Variants in ZMIZ1 observed in about 807,000 individuals in gnomAD.
ZMIZ1 encodes zinc finger MIZ domain-containing protein 1.
A neutral mutation model predicts 113.9 loss-of-function variants in ZMIZ1; 17 were observed. The ratio of observed to expected loss-of-function variants is 0.15; its 90% CI spans 0.10 to 0.22. The LOEUF (loss-of-function observed/expected upper bound fraction) is 0.22, where lower values mean the gene tolerates loss of function less well. ZMIZ1 is among the 10% of genes least tolerant of loss of function. ZMIZ1 has a pLI of 1.00. For synonymous variants in ZMIZ1, 607 were observed against 603.1 expected, an observed-to-expected ratio of 1.01 and a Z score of -0.09; for missense variants, 1,059 against 1,477.8, an observed-to-expected ratio of 0.72 and a Z score of 4.65.
At chr10:79,274,068 G>T (rs1054588198) in intron 7 of ZMIZ1, among the ~76,000 whole-genome samples, 2 of 151,706 alleles carry the variant, frequency 1.3e-5, no homozygotes, top group Non-Finnish European at 3.0e-5. Flanking sequence ...TTTGGGGCCA[G>T]CTCTCTTAAC....
At chr10:79,274,434 T>C (rs73304154) in intron 7 of ZMIZ1, among the ~76,000 whole-genome samples, 3,061 of 152,316 alleles carry the variant, frequency 0.02, 107 homozygotes, top group African/African-American at 0.069. Context: ...CTGTCTGTCC[T>C]TGCGTAATCC....
intron 1 of ZMIZ1, among the ~76,000 whole-genome samples, chr10:79,115,178 T>G (rs921950185): frequency 1.3e-5 from 2 of 152,186 alleles, no homozygotes; most frequent in Non-Finnish European, 2.9e-5. Flanking sequence ...AATGAGGTAC[T>G]CACCACCTCC....
chr10:79,258,888 C>T (rs567885776), intron 7 of ZMIZ1, among the ~76,000 whole-genome samples: 5 of 152,262 alleles, frequency 3.3e-5, no homozygotes, highest in South Asian at 2.1e-4. Context: ...AACTTTGGGG[C>T]GAACTCACTC....
chr10:79,133,817 T>G (rs1190355516), intron 2 of ZMIZ1, among the ~76,000 whole-genome samples: 1 of 152,174 alleles, frequency 6.6e-6, no homozygotes, highest in African/African-American at 2.4e-5. Context: ...ATAAATAGGC[T>G]CCTCTGATTC....
intron 23 of ZMIZ1, among the ~76,000 whole-genome samples, chr10:79,309,461 T>A (rs956422796): frequency 6.6e-6 from 1 of 152,172 alleles, no homozygotes; most frequent in Non-Finnish European, 1.5e-5. Flanking sequence ...GGCCCATTCC[T>A]CCAGCCTCTT....
At chr10:79,192,375 C>T (rs1847642249) in intron 4 of ZMIZ1, among the ~76,000 whole-genome samples, 1 of 152,202 alleles carries the variant, frequency 6.6e-6, no homozygotes, top group African/African-American at 2.4e-5. Context: ...TCATGAAGCC[C>T]CCACTCTGAA....
In ZMIZ1 at chr10:79,315,887, G is replaced by C. The variant is rs923339077; in HGVS notation, c.*3138G>C. On this transcript the variant is annotated 3_prime_UTR_variant, in exon 25 of 25. Transcript: ENST00000334512. ...AAAAAAAAGCTTGGAACTCCATCAC[G>C]TGGAAAAACTAGATCCTGTTGGTTA... 3 of 152,286 alleles carry C rather than the reference G, an allele frequency of 2.0e-5. No homozygotes were observed. The highest frequency in any genetic ancestry group is 7.3e-5 in the African/African-American group (3 of 41,304). 9.4% of individuals were successfully genotyped at this position (152,286 alleles called of 1,614,324 possible).
At chr10:79,188,716 GCCACT>G (rs1281115216) in intron 4 of ZMIZ1, among the ~76,000 whole-genome samples, 1 of 151,404 alleles carries the variant, frequency 6.6e-6, no homozygotes, top group East Asian at 2.0e-4. Flanking sequence ...CCACCCTTGG[GCCACT>G]CCCTTTAGGT....
At chr10:79,259,204 T>C (rs1196131838) in intron 7 of ZMIZ1, among the ~76,000 whole-genome samples, 1 of 152,198 alleles carries the variant, frequency 6.6e-6, no homozygotes, top group Non-Finnish European at 1.5e-5. Context: ...TAATTTGTTT[T>C]TTCTTGCTTG....
At chr10:79,145,510 C>T (rs534328116) in intron 3 of ZMIZ1, among the ~76,000 whole-genome samples, 2 of 152,120 alleles carry the variant, frequency 1.3e-5, no homozygotes, top group Non-Finnish European at 2.9e-5. Context: ...CCGGTTAGTT[C>T]ACATTGATTT....
chr10:79,213,965 T>C (rs1848622222), intron 6 of ZMIZ1, among the ~76,000 whole-genome samples: 1 of 152,158 alleles, frequency 6.6e-6, no homozygotes, highest in South Asian at 2.1e-4. Context: ...TAAGCATCAG[T>C]GTTTCCCATT....
chr10:79,191,835 A>G (rs1847618984), intron 4 of ZMIZ1, among the ~76,000 whole-genome samples: 1 of 152,220 alleles, frequency 6.6e-6, no homozygotes, highest in South Asian at 2.1e-4. Context: ...CTTCATCTGT[A>G]GTAGCCTCTG....
rs543370191 is a variant in ZMIZ1, at chr10:79,207,686, C to T, written c.61-650C>T. On this transcript the variant is annotated intron_variant, in intron 5 of 24. Transcript: ENST00000334512. ...GAGCGGACCCAGGCAGGGCCCAGTA[C>T]GTCACACACAGCAGCCCCTAGTGTG... is the stretch of plus-strand genomic sequence containing the variant. 9.9e-4 allele frequency among the ~76,000 whole-genome samples: 151 copies of T among 152,320 alleles called. 1 individual carries two copies. The highest frequency in any genetic ancestry group is 3.4e-3 in the Middle Eastern group (1 of 294).
In ZMIZ1 at chr10:79,094,570, G is replaced by A. The variant is rs77911330; in HGVS notation, c.-336-24345G>A. Among the ~76,000 whole-genome samples, 53 of 152,364 alleles carry A rather than the reference G, an allele frequency of 3.5e-4. 1 individual carries two copies. In the East Asian group the frequency reaches 4.8e-3, roughly 14 times the overall value. On this transcript the variant is annotated intron_variant, in intron 1 of 24. Transcript: ENST00000334512. Reference sequence around the variant, plus strand: ...AAGTCAACAGTAGATGTATCTGTCCGTTGTCCCTGCCCTGCTGTGGGATGA... The same window carrying A: ...AAGTCAACAGTAGATGTATCTGTCCATTGTCCCTGCCCTGCTGTGGGATGA...
intron 16 of ZMIZ1, 58 bp from the exon 17 acceptor site, chr10:79,300,674 G>A (rs922991614): frequency 3.6e-5 from 56 of 1,535,074 alleles, no homozygotes; most frequent in South Asian, 1.5e-4. Context: ...TCGGGGTCAC[G>A]GAGGCCATGG....
chr10:79,292,694 C>G (rs1372957054), intron 11 of ZMIZ1: 1 of 484,480 alleles, frequency 2.1e-6, no homozygotes, highest in Non-Finnish European at 4.0e-6. Flanking sequence ...GGCTCAATGT[C>G]TAAAAATAGT....
Position 79,312,928 on chromosome 10 carries a change from A to C in ZMIZ1, c.*179A>C. 1.6e-6 allele frequency: 1 copy of C among 608,148 alleles called. No individual in the cohort carries two copies. 37.7% of individuals were successfully genotyped at this position (608,148 alleles called of 1,614,324 possible). On this transcript the variant is annotated 3_prime_UTR_variant, in exon 25 of 25. Coordinates refer to ENST00000334512, the MANE Select transcript of ZMIZ1 (RefSeq NM_020338.4). ...AACAGAGGGGTAGGGAGGGTGCACC[A>C]GTGCACCAGGAAGGCTGTGTGGGTC...
At chr10:79,123,999 C>T (rs1844412244) in intron 2 of ZMIZ1, among the ~76,000 whole-genome samples, 1 of 152,256 alleles carries the variant, frequency 6.6e-6, no homozygotes, top group Admixed American at 6.5e-5. Context: ...GCCCTCCACC[C>T]CAGCCTCTGC....
chr10:79,192,806 G>C (rs1182206472), intron 4 of ZMIZ1, among the ~76,000 whole-genome samples: 1 of 152,166 alleles, frequency 6.6e-6, no homozygotes, highest in African/African-American at 2.4e-5. Context: ...CAGGACCACT[G>C]CCTACCCAGG....
Sources: gnomAD v4.1 joint callset for allele counts (sites outside exome capture counted in the v4.1 genomes callset) on GRCh38, gnomAD v4.1.1 for gene constraint, MANE v1.5 for transcripts, NCBI Gene and HGNC (gene_info 2026-07-23, HGNC 2026-07-21) for gene names.